FRMPD3: variants seen among roughly 807,000 people sequenced by gnomAD.
FRMPD3 encodes FERM and PDZ domain-containing protein 3.
A neutral mutation model predicts 97.9 loss-of-function variants in FRMPD3; 42 were observed. That is an observed-to-expected ratio of 0.43 (90% CI 0.34 to 0.55). The LOEUF (loss-of-function observed/expected upper bound fraction) is 0.55, where lower values mean the gene tolerates loss of function less well. FRMPD3 is among the 20% of genes least tolerant of loss of function. The pLI is 0.03. For missense variants in FRMPD3, 1,303 were observed against 1,457.7 expected, an observed-to-expected ratio of 0.89 and a Z score of 1.73; for synonymous variants, 577 against 581.1, an observed-to-expected ratio of 0.99 and a Z score of 0.10.
chrX:107,465,879 A>C (rs976030295), intron 1 of FRMPD3, among the ~76,000 whole-genome samples: 3 of 112,106 alleles, frequency 2.7e-5, no homozygotes, highest in Non-Finnish European at 5.6e-5. Context: ...ACCAAAAAAA[A>C]AAAGAAAAAA....
chrX:107,464,362 T>G (rs957067945), intron 1 of FRMPD3, among the ~76,000 whole-genome samples: 2 of 110,997 alleles, frequency 1.8e-5, no homozygotes, highest in African/African-American at 6.6e-5. Context: ...TTTATTTTGT[T>G]TTTTTTTGCT....
chrX:107,545,104 C>T (rs1024038272), intron 4 of FRMPD3: 11 of 111,706 alleles, frequency 9.8e-5, no homozygotes, highest in African/African-American at 3.6e-4. Flanking sequence ...AAATACAAGC[C>T]TGGCTGATTT....
At chrX:107,488,064 C>G (rs771390587) in intron 1 of FRMPD3, among the ~76,000 whole-genome samples, 1 of 111,827 alleles carries the variant, frequency 8.9e-6, no homozygotes, top group South Asian at 3.8e-4. Context: ...CCTCTCTGCT[C>G]TCTCTGCAAT....
chrX:107,512,930 T>G (rs1023494984), intron 1 of FRMPD3: 2 of 112,791 alleles, frequency 1.8e-5, no homozygotes, highest in African/African-American at 6.4e-5. Context: ...CCCTCACATC[T>G]GTCACCTGGC....
chrX:107,583,546 C>T (rs1164574621), intron 13 of FRMPD3, among the ~76,000 whole-genome samples: 2 of 112,053 alleles, frequency 1.8e-5, no homozygotes, highest in African/African-American at 6.5e-5. Flanking sequence ...CTACAATAAA[C>T]ATACGTGTGC....
chrX:107,534,732 A>T (rs924745378), intron 4 of FRMPD3, among the ~76,000 whole-genome samples: 6 of 111,343 alleles, frequency 5.4e-5, no homozygotes, highest in Admixed American at 4.8e-4. Flanking sequence ...ACACTCACAC[A>T]TTCATTCACA....
intron 1 of FRMPD3, among the ~76,000 whole-genome samples, chrX:107,508,971 C>G (rs1418081857): frequency 8.9e-6 from 1 of 111,989 alleles, no homozygotes; most frequent in African/African-American, 3.3e-5. Flanking sequence ...GTTTTTAGAG[C>G]CTTACTTGCA....
rs772917423 is a variant in FRMPD3 at position 107,530,471 on chromosome X, G to A, written c.211G>A (p.Val71Met). 8.4e-6 allele frequency: 10 copies of A among 1,196,625 alleles called. No homozygotes were observed. Among genetic ancestry groups the A allele is most frequent in the Non-Finnish European group, 1.0e-5 (9 of 888,011 alleles). ...GATTGTGGCTATTAATGAGGAAGAC[G>A]TGAGTGAAGCCCCGAGGGAGAGACT... is the stretch of plus-strand genomic sequence containing the variant. ...DQIVAINEED[V>M]SEAPRERLIE... Residue 71 changes from valine (V) to methionine (M), a missense_variant, in exon 3 of 15, where the codon GTG (valine) becomes ATG (methionine). Physicochemically the swap from Val to Met is conservative, Grantham distance 21 (BLOSUM62 1). Coordinates refer to ENST00000683843, the MANE Select transcript of FRMPD3 (RefSeq NM_001388459.1).
intron 1 of FRMPD3, among the ~76,000 whole-genome samples, chrX:107,488,561 T>C (rs1022312315): frequency 7.1e-5 from 8 of 111,954 alleles, no homozygotes; most frequent in African/African-American, 2.6e-4. Flanking sequence ...CCTAAAACAA[T>C]ATAGAGACAC....
intron 1 of FRMPD3, among the ~76,000 whole-genome samples, chrX:107,456,861 G>C (rs995659870): frequency 1.8e-5 from 2 of 111,915 alleles, no homozygotes; most frequent in Non-Finnish European, 3.8e-5. Context: ...AGTTAGCTCT[G>C]GGCTTGATTA....
intron 1 of FRMPD3, among the ~76,000 whole-genome samples, chrX:107,515,351 G>T (rs1474515196): frequency 9.0e-6 from 1 of 111,483 alleles, no homozygotes; most frequent in Non-Finnish European, 1.9e-5. Flanking sequence ...TAGAAGCCAG[G>T]AGAGGAGAAT....
chrX:107,597,264 G>T (rs1282493940), intron 13 of FRMPD3, 57 bp from the exon 14 acceptor site: 2 of 1,005,100 alleles, frequency 2.0e-6, no homozygotes, highest in East Asian at 6.1e-5. Flanking sequence ...CAACAAGGGA[G>T]CTCATTCACA....
intron 12 of FRMPD3, among the ~76,000 whole-genome samples, chrX:107,565,671 G>A (rs1455876791): frequency 1.9e-5 from 2 of 106,168 alleles, no homozygotes; most frequent in East Asian, 5.8e-4. Context: ...CTCCAGCCTG[G>A]GCAACAGAGT....
chrX:107,603,289 A>G lies in FRMPD3; in HGVS notation c.5250A>G (p.Ala1750=). Residue 1750 remains alanine (A), a synonymous_variant, in exon 15 of 15, where the codon GCA becomes GCG. Coordinates refer to ENST00000683843, the MANE Select transcript of FRMPD3 (RefSeq NM_001388459.1). ...AGCAGGTGGCAGCAGCTGCAGGGGC[A>G]GCCACAGAGCATCCACCAGGCTCCC... ...QQQQVAAAAG[A]ATEHPPGSPT... 8.6e-7 allele frequency: 1 copy of G among 1,162,073 alleles called. No individual in the cohort carries two copies. The highest frequency in any genetic ancestry group is 1.1e-6 in the Non-Finnish European group (1 of 870,910).
At chrX:107,498,648 T>C (rs1921833122) in intron 1 of FRMPD3, among the ~76,000 whole-genome samples, 1 of 111,448 alleles carries the variant, frequency 9.0e-6, no homozygotes, top group Admixed American at 9.5e-5. Context: ...CTCAAGGGAA[T>C]GGGGACATAA....
intron 8 of FRMPD3, chrX:107,554,766 T>C (rs1393824599): frequency 4.6e-5 from 15 of 326,149 alleles, no homozygotes; most frequent in Non-Finnish European, 7.0e-5. Flanking sequence ...CCAGTAACTC[T>C]GGCATCCTCA....
intron 13 of FRMPD3, among the ~76,000 whole-genome samples, chrX:107,591,463 G>A (rs1923899827): frequency 8.9e-6 from 1 of 111,935 alleles, no homozygotes; most frequent in Admixed American, 9.5e-5. Flanking sequence ...AGCCTAAGTT[G>A]TATATTTCTA....
chrX:107,598,285 G>C (rs1208504988), intron 14 of FRMPD3, 143 bp downstream of exon 14: 1 of 494,365 alleles, frequency 2.0e-6, no homozygotes, highest in African/African-American at 2.4e-5. Context: ...TCTTTAGATA[G>C]GGTCAGAGGA....
intron 1 of FRMPD3, among the ~76,000 whole-genome samples, chrX:107,507,157 T>C (rs771069194): frequency 9.1e-6 from 1 of 110,437 alleles, no homozygotes; most frequent in East Asian, 2.9e-4. Context: ...TGGGCCCCCC[T>C]CCACCTGGTC....
Sources: allele counts gnomAD v4.1 joint callset (sites outside exome capture counted in the v4.1 genomes callset), GRCh38; gene constraint gnomAD v4.1.1; transcripts MANE v1.5; gene names NCBI Gene and HGNC (gene_info 2026-07-23, HGNC 2026-07-21).